CSMD1: variants seen among roughly 807,000 people sequenced by gnomAD.
CSMD1 encodes the protein CUB and sushi domain-containing protein 1.
CSMD1 carries 213 observed loss-of-function variants against 417.5 expected under a neutral mutation model. The observed-to-expected ratio is 0.51, with a 90% CI of 0.46 to 0.57. The LOEUF is 0.57. Among genes scored for constraint, CSMD1 ranks in the 20% least tolerant of loss-of-function variants. The probability of loss-of-function intolerance (pLI) is 0.00; values close to 1 mark genes in which losing one functional copy is unlikely to be tolerated. For synonymous variants in CSMD1, 2,862 were observed against 1,736.8 expected, an observed-to-expected ratio of 1.65 and a Z score of -16.11; for missense variants, 6,923 against 4,529.7, an observed-to-expected ratio of 1.53 and a Z score of -15.17.
intron 11 of CSMD1, among the ~76,000 whole-genome samples, chr8:3,479,141 C>T (rs944827640): frequency 6.6e-6 from 1 of 152,038 alleles, no homozygotes; most frequent in Admixed American, 6.5e-5. Flanking sequence ...TTGAAGCCTC[C>T]AATAGTCAAA....
At chr8:3,075,942 T>A (rs1813640880) in intron 49 of CSMD1, among the ~76,000 whole-genome samples, 1 of 149,316 alleles carries the variant, frequency 6.7e-6, no homozygotes, top group Non-Finnish European at 1.5e-5. Context: ...TCCCAGCTCC[T>A]AGGGACGCTG....
chr8:4,385,572 G>A (rs754881805), intron 3 of CSMD1, among the ~76,000 whole-genome samples: 1 of 152,082 alleles, frequency 6.6e-6, no homozygotes, highest in South Asian at 2.1e-4. Flanking sequence ...ACAGTGTATT[G>A]TTTTTAAGGA....
At chr8:3,194,408 CTATTTTATTTTATT>C (rs1346499779) in intron 33 of CSMD1, among the ~76,000 whole-genome samples, 8 of 134,914 alleles carry the variant, frequency 5.9e-5, no homozygotes, top group African/African-American at 5.4e-5. Flanking sequence ...ATCTGATTAA[CTATTTTATTTTATT>C]TTATTTTATT....
rs1294157442 is a variant in CSMD1, at chr8:3,480,637, T to C, written c.1449-11813A>G. Among the ~76,000 whole-genome samples the C allele has an allele frequency of 2.6e-5, 4 of 152,086 alleles. No individual in the cohort carries two copies. In the East Asian group the frequency reaches 7.7e-4, roughly 29 times the overall value. On this transcript the variant is annotated intron_variant, in intron 11 of 69. Transcript: ENST00000635120. ...CTAAACAAATCCATTCCAAGACACA[T>C]CTAATCCAAGTTTTAAAAACTAAAG...
chr8:4,261,487 C>G (rs1803877699), intron 3 of CSMD1, among the ~76,000 whole-genome samples: 1 of 152,124 alleles, frequency 6.6e-6, no homozygotes. Context: ...ATCTAATGTA[C>G]AGCATGGTTA....
At chr8:4,649,890 G>C (rs1328750474) in intron 1 of CSMD1, among the ~76,000 whole-genome samples, 2 of 152,238 alleles carry the variant, frequency 1.3e-5, no homozygotes, top group Non-Finnish European at 1.5e-5. Flanking sequence ...ATATTTGCAG[G>C]TGTATGACTG....
At chr8:4,785,892 C>G (rs1277920696) in intron 1 of CSMD1, among the ~76,000 whole-genome samples, 3 of 152,074 alleles carry the variant, frequency 2.0e-5, no homozygotes, top group Non-Finnish European at 4.4e-5. Context: ...GATTTTAACC[C>G]AAACAGTGAC....
chr8:3,790,744 T>C (rs1017747149), intron 5 of CSMD1, among the ~76,000 whole-genome samples: 2 of 152,154 alleles, frequency 1.3e-5, no homozygotes, highest in African/African-American at 4.8e-5. Flanking sequence ...ATTTCAAAGA[T>C]AACGACCTTC....
At chr8:3,620,767 G>C (rs1450162937) in intron 7 of CSMD1, among the ~76,000 whole-genome samples, 1 of 152,118 alleles carries the variant, frequency 6.6e-6, no homozygotes, top group Non-Finnish European at 1.5e-5. Flanking sequence ...AATGCTGAAA[G>C]ACATATGAAA....
chr8:4,768,211 G>A (rs555914496), intron 1 of CSMD1, among the ~76,000 whole-genome samples: 22 of 152,090 alleles, frequency 1.4e-4, no homozygotes, highest in African/African-American at 5.3e-4. Flanking sequence ...TTTTATGTTG[G>A]AATGAGCTTC....
intron 3 of CSMD1, among the ~76,000 whole-genome samples, chr8:4,126,783 A>T (rs1802788262): frequency 6.6e-6 from 1 of 152,208 alleles, no homozygotes; most frequent in Non-Finnish European, 1.5e-5. Context: ...GAAACAGGCA[A>T]CACTTCATTC....
intron 2 of CSMD1, among the ~76,000 whole-genome samples, chr8:4,456,969 G>A (rs1372575981): frequency 3.5e-5 from 4 of 113,358 alleles, no homozygotes; most frequent in East Asian, 3.0e-4. Context: ...AGATTTTGAT[G>A]AGTGTGGTTT....
At chr8:3,627,237 G>A (rs190860926) in intron 7 of CSMD1, among the ~76,000 whole-genome samples, 245 of 152,264 alleles carry the variant, frequency 1.6e-3, no homozygotes, top group African/African-American at 5.6e-3. Context: ...TTAAGATTGT[G>A]ATAAAAACCT....
intron 3 of CSMD1, among the ~76,000 whole-genome samples, chr8:4,078,502 G>C (rs547840492): frequency 6.6e-6 from 1 of 151,622 alleles, no homozygotes; most frequent in Non-Finnish European, 1.5e-5. Context: ...CTGACCTTGT[G>C]ATCTGCCCAC....
chr8:3,767,369 T>C (rs556448557), intron 5 of CSMD1, among the ~76,000 whole-genome samples: 4 of 152,222 alleles, frequency 2.6e-5, no homozygotes, highest in Non-Finnish European at 5.9e-5. Flanking sequence ...TCCTTTCCCA[T>C]GTGGGTGACC....
intron 3 of CSMD1, among the ~76,000 whole-genome samples, chr8:4,065,282 T>G (rs1031527684): frequency 6.6e-6 from 1 of 152,200 alleles, no homozygotes; most frequent in Non-Finnish European, 1.5e-5. Flanking sequence ...TGTTGGGCAG[T>G]GCTTCCCCAT....
At chr8:4,006,823 ATT>A (rs759780050) in intron 4 of CSMD1, among the ~76,000 whole-genome samples, 4 of 95,956 alleles carry the variant, frequency 4.2e-5, no homozygotes, top group Admixed American at 1.4e-4. Flanking sequence ...GACTTTTCCT[ATT>A]TTTTTTTTTT....
chr8:3,659,197 G>A (rs770676919), intron 7 of CSMD1, among the ~76,000 whole-genome samples: 17 of 152,072 alleles, frequency 1.1e-4, no homozygotes, highest in South Asian at 2.1e-4. Flanking sequence ...TGTATTCTAC[G>A]GCAAGGCAAG....
chr8:3,814,839 C>A (rs76343814), intron 5 of CSMD1, among the ~76,000 whole-genome samples: 2 of 152,074 alleles, frequency 1.3e-5, no homozygotes, highest in Non-Finnish European at 2.9e-5. Flanking sequence ...CATGAAGAAG[C>A]GGACTCCTTC....
Sources: allele counts gnomAD v4.1 joint callset (sites outside exome capture counted in the v4.1 genomes callset), GRCh38; gene constraint gnomAD v4.1.1; transcripts MANE v1.5; gene names NCBI Gene and HGNC (gene_info 2026-07-23, HGNC 2026-07-21).